The following NPSR1 variants were observed in gnomAD, a reference collection of about 807,000 sequenced individuals.
The protein encoded by NPSR1 is neuropeptide S receptor 1, also known as neuropeptide S receptor.
Under a neutral mutation model 46.9 loss-of-function variants are expected in NPSR1, and 48 were observed. The ratio of observed to expected loss-of-function variants is 1.02; its 90% CI spans 0.81 to 1.30. The LOEUF is 1.30. NPSR1 is among the 50% of genes most tolerant of loss of function. The pLI, the probability that NPSR1 is intolerant of heterozygous loss-of-function variation, is 0.00. For missense variants in NPSR1, 450 were observed against 449.5 expected (o/e 1.00, Z -0.01); for synonymous variants, 176 against 168.1 (o/e 1.05, Z -0.36).
At chr7:34,671,402 A>T (rs1255666768) in intron 1 of NPSR1, among the ~76,000 whole-genome samples, 3 of 152,200 alleles carry the variant, frequency 2.0e-5, no homozygotes, top group Non-Finnish European at 4.4e-5. Context: ...ACACCATGCC[A>T]CCTCTCAAAT....
At chr7:34,758,731 ATACC>A (rs1228981848) in intron 2 of NPSR1, among the ~76,000 whole-genome samples, 3 of 152,224 alleles carry the variant, frequency 2.0e-5, no homozygotes, top group African/African-American at 7.2e-5. Context: ...TCTATCTATA[ATACC>A]TACCTATCTA....
At chr7:34,833,251 A>G (rs1287877382) in intron 5 of NPSR1, among the ~76,000 whole-genome samples, 1 of 152,240 alleles carries the variant, frequency 6.6e-6, no homozygotes, top group Non-Finnish European at 1.5e-5. Context: ...GTTTTTAGTC[A>G]AGATGCTTAA....
chr7:34,779,637 T>G (rs1276216070), intron 3 of NPSR1: 3 of 1,169,858 alleles, frequency 2.6e-6, no homozygotes, highest in South Asian at 3.5e-5. Flanking sequence ...AAGTTTGGTA[T>G]GTCTGAAAGA....
intron 2 of NPSR1, among the ~76,000 whole-genome samples, chr7:34,705,225 A>G (rs1794040345): frequency 6.6e-6 from 1 of 151,966 alleles, no homozygotes; most frequent in South Asian, 2.1e-4. Context: ...TCAGGAGTTC[A>G]AGATCAGCCT....
At chr7:34,819,697 T>G (rs931714147) in intron 4 of NPSR1, among the ~76,000 whole-genome samples, 2 of 152,054 alleles carry the variant, frequency 1.3e-5, no homozygotes, top group Non-Finnish European at 2.9e-5. Flanking sequence ...ATAGACTGGA[T>G]TAAGAAAATA....
intron 8 of NPSR1, among the ~76,000 whole-genome samples, chr7:34,859,306 C>A (rs1791129281): frequency 6.6e-6 from 1 of 151,730 alleles, no homozygotes; most frequent in Non-Finnish European, 1.5e-5. Flanking sequence ...TTCTTGCCTG[C>A]CAAGGGGACC....
At chr7:34,722,105 TAA>T (rs1046223159) in intron 2 of NPSR1, among the ~76,000 whole-genome samples, 1 of 151,426 alleles carries the variant, frequency 6.6e-6, no homozygotes, top group Admixed American at 6.6e-5. Context: ...GTTTCATTAG[TAA>T]AAAAAAATTC....
intron 3 of NPSR1, among the ~76,000 whole-genome samples, chr7:34,787,382 A>G (rs1787512456): frequency 6.6e-6 from 1 of 152,118 alleles, no homozygotes; most frequent in Non-Finnish European, 1.5e-5. Flanking sequence ...TTAATGTTGC[A>G]ACTAGTTTGA....
At chr7:34,792,691 A>ATATATATATTTTT (rs1162825872) in intron 3 of NPSR1, among the ~76,000 whole-genome samples, 1 of 95,668 alleles carries the variant, frequency 1.0e-5, no homozygotes, top group Non-Finnish European at 2.3e-5. Flanking sequence ...ATATATATGT[A>ATATATATATTTTT]TATATATACG....
At chr7:34,809,526 C>G (rs1788880720) in intron 3 of NPSR1, among the ~76,000 whole-genome samples, 1 of 145,952 alleles carries the variant, frequency 6.9e-6, no homozygotes, top group Non-Finnish European at 1.5e-5. Context: ...TGCAGTGGCG[C>G]AATCTCGGCT....
intron 2 of NPSR1, 73 bp downstream of exon 2, chr7:34,684,757 T>C (rs1442028991): frequency 7.9e-7 from 1 of 1,263,618 alleles, no homozygotes; most frequent in Non-Finnish European, 1.0e-6. Flanking sequence ...TTAATGAATT[T>C]TATCAAAAAA....
chr7:34,877,213 C>T (rs1414799807), intron 8 of NPSR1, among the ~76,000 whole-genome samples: 1 of 151,918 alleles, frequency 6.6e-6, no homozygotes. Flanking sequence ...TGGGGTGGGG[C>T]CAGGAAGGTA....
chr7:34,804,157 T>C (rs1788572333), intron 3 of NPSR1, among the ~76,000 whole-genome samples: 1 of 152,136 alleles, frequency 6.6e-6, no homozygotes, highest in Admixed American at 6.6e-5. Flanking sequence ...CTTGCTGACT[T>C]GTTCCATGAG....
chr7:34,762,847 G>T (rs966384676), intron 2 of NPSR1, among the ~76,000 whole-genome samples: 4 of 152,152 alleles, frequency 2.6e-5, no homozygotes, highest in African/African-American at 9.7e-5. Context: ...CCCTTATTTA[G>T]TGTGACAAAT....
chr7:34,781,458 T>C (rs547091051), intron 3 of NPSR1, among the ~76,000 whole-genome samples: 10 of 152,286 alleles, frequency 6.6e-5, no homozygotes, highest in South Asian at 2.1e-4. Flanking sequence ...GCTGGTGTGA[T>C]TGGCACACCT....
intron 1 of NPSR1, among the ~76,000 whole-genome samples, chr7:34,667,327 A>G (rs563610610): frequency 1.3e-5 from 2 of 152,258 alleles, no homozygotes; most frequent in Non-Finnish European, 2.9e-5. Flanking sequence ...ATGTGGGAGG[A>G]AGAGTTTTGA....
intron 2 of NPSR1, chr7:34,685,615 A>C (rs1293218747): frequency 5.1e-5 from 18 of 349,980 alleles, no homozygotes; most frequent in Admixed American, 8.2e-5. Context: ...TCTCAGCTGT[A>C]GTAATGGTAG....
At chr7:34,813,119 T>A in intron 4 of NPSR1, among the ~76,000 whole-genome samples, 1 of 152,232 alleles carries the variant, frequency 6.6e-6, no homozygotes, top group African/African-American at 2.4e-5. Context: ...CATGTATACA[T>A]ATGTGATGTA....
At chr7:34,818,562 A>C (rs1789373416) in intron 4 of NPSR1, among the ~76,000 whole-genome samples, 1 of 152,192 alleles carries the variant, frequency 6.6e-6, no homozygotes, top group African/African-American at 2.4e-5. Context: ...GAATTGGAAA[A>C]AACTACTTTA....
Sources: gnomAD v4.1 joint callset for allele counts (sites outside exome capture counted in the v4.1 genomes callset) on GRCh38, gnomAD v4.1.1 for gene constraint, MANE v1.5 for transcripts, NCBI Gene and HGNC (gene_info 2026-07-23, HGNC 2026-07-21) for gene names.